The following RBFOX1 variants were observed in gnomAD, a reference collection of about 807,000 sequenced individuals.
RBFOX1 encodes the protein RNA binding protein fox-1 homolog 1.
RBFOX1 carries 8 observed loss-of-function variants against 57.7 expected under a neutral mutation model. The ratio of observed to expected loss-of-function variants is 0.14; its 90% CI spans 0.08 to 0.25. The LOEUF is 0.25. RBFOX1 is among the 10% of genes least tolerant of loss of function. The pLI, the probability that RBFOX1 is intolerant of heterozygous loss-of-function variation, is 1.00. For missense variants in RBFOX1, 611 were observed against 548.5 expected, an observed-to-expected ratio of 1.11 and a Z score of -1.14; for synonymous variants, 326 against 222.4, an observed-to-expected ratio of 1.47 and a Z score of -4.15.
intron 4 of RBFOX1, among the ~76,000 whole-genome samples, chr16:5,986,506 G>C (rs1363367271): frequency 6.6e-6 from 1 of 152,098 alleles, no homozygotes; most frequent in South Asian, 2.1e-4. Context: ...TTCCATTACT[G>C]TAAGTGTCCC....
chr16:7,206,207 C>T (rs1210036272), intron 4 of RBFOX1, among the ~76,000 whole-genome samples: 2 of 152,044 alleles, frequency 1.3e-5, no homozygotes, highest in African/African-American at 2.4e-5. Context: ...TCTAGGGAGA[C>T]CCAGTAGGTA....
chr16:6,878,923 A>AT (rs1421870726), intron 3 of RBFOX1, among the ~76,000 whole-genome samples: 3 of 152,032 alleles, frequency 2.0e-5, no homozygotes, highest in East Asian at 3.9e-4. Context: ...AAAGGGTAGG[A>AT]TTTTTTTTCC....
chr16:6,965,166 T>C (rs1372489491), intron 3 of RBFOX1, among the ~76,000 whole-genome samples: 1 of 152,138 alleles, frequency 6.6e-6, no homozygotes, highest in South Asian at 2.1e-4. Context: ...TGCTGCAGAT[T>C]GCTGTGGTGG....
chr16:7,268,329 T>C (rs1230009636), intron 4 of RBFOX1, among the ~76,000 whole-genome samples: 2 of 152,132 alleles, frequency 1.3e-5, no homozygotes, highest in African/African-American at 4.8e-5. Context: ...AAAGTGGAAG[T>C]GGAGAAACCA....
At chr16:6,905,398 C>G (rs757277394) in intron 3 of RBFOX1, among the ~76,000 whole-genome samples, 2 of 151,932 alleles carry the variant, frequency 1.3e-5, no homozygotes, top group South Asian at 2.1e-4. Flanking sequence ...ACTAAAAATA[C>G]AAAAATTAAC....
At chr16:7,536,569 G>A (rs915406673) in intron 5 of RBFOX1, among the ~76,000 whole-genome samples, 10 of 152,176 alleles carry the variant, frequency 6.6e-5, no homozygotes, top group African/African-American at 2.2e-4. Context: ...ACTCCAGCCT[G>A]GGCAACACAG....
At chr16:7,079,244 G>T (rs754468956) in intron 4 of RBFOX1, among the ~76,000 whole-genome samples, 76 of 152,090 alleles carry the variant, frequency 5.0e-4, no homozygotes, top group Non-Finnish European at 9.7e-4. Flanking sequence ...AGTTTTACTT[G>T]CTCATCATAC....
intron 4 of RBFOX1, among the ~76,000 whole-genome samples, chr16:7,282,421 G>A (rs1239386309): frequency 6.6e-6 from 1 of 152,134 alleles, no homozygotes; most frequent in Non-Finnish European, 1.5e-5. Flanking sequence ...AGAATCAAAA[G>A]ATATTTCACA....
At chr16:7,292,156 A>G (rs1312545996) in intron 4 of RBFOX1, among the ~76,000 whole-genome samples, 1 of 131,772 alleles carries the variant, frequency 7.6e-6, no homozygotes, top group African/African-American at 2.8e-5. Flanking sequence ...TATATAATAT[A>G]GAACGTATTA....
At chr16:5,840,442 G>A (rs1215173232) in intron 3 of RBFOX1, among the ~76,000 whole-genome samples, 5 of 152,136 alleles carry the variant, frequency 3.3e-5, no homozygotes, top group Non-Finnish European at 7.4e-5. Flanking sequence ...TGCTCTGCGG[G>A]GTAGAAAGTC....
chr16:7,059,795 G>T (rs1051009816), intron 4 of RBFOX1, among the ~76,000 whole-genome samples: 6 of 151,986 alleles, frequency 3.9e-5, no homozygotes, highest in African/African-American at 1.5e-4. Flanking sequence ...AGTTGTATTT[G>T]TTCCCAGGGC....
At chr16:6,800,208 T>C (rs895557792) in intron 3 of RBFOX1, among the ~76,000 whole-genome samples, 1 of 145,864 alleles carries the variant, frequency 6.9e-6, no homozygotes, top group Non-Finnish European at 1.5e-5. Context: ...CTTGCTGTTT[T>C]CCTGCCTCAT....
chr16:7,078,216 C>T (rs1445643644), intron 4 of RBFOX1, among the ~76,000 whole-genome samples: 1 of 152,170 alleles, frequency 6.6e-6, no homozygotes, highest in Non-Finnish European at 1.5e-5. Context: ...AATAGGCAAA[C>T]CAGCTGATGT....
intron 4 of RBFOX1, among the ~76,000 whole-genome samples, chr16:5,901,971 C>A (rs1418941582): frequency 6.6e-6 from 1 of 152,124 alleles, no homozygotes; most frequent in Non-Finnish European, 1.5e-5. Flanking sequence ...CTCTCATAGC[C>A]CCTAGTCCTC....
chr16:7,043,997 C>T (rs1308086361), intron 3 of RBFOX1, among the ~76,000 whole-genome samples: 2 of 152,180 alleles, frequency 1.3e-5, no homozygotes, highest in African/African-American at 2.4e-5. Flanking sequence ...CTCCTATGCA[C>T]TGCAAGCACC....
intron 1 of RBFOX1, among the ~76,000 whole-genome samples, chr16:5,365,502 C>G (rs532159274): frequency 1.6e-4 from 25 of 152,214 alleles, no homozygotes; most frequent in African/African-American, 6.0e-4. Context: ...ACCCTCATCT[C>G]TACTAAAAAT....
intron 13 of RBFOX1, among the ~76,000 whole-genome samples, chr16:7,672,903 A>C (rs2072015163): frequency 6.7e-6 from 1 of 150,118 alleles, no homozygotes. Flanking sequence ...ATATAGATAA[A>C]TTAGGGAGAT....
chr16:7,079,136 T>A (rs2058769316), intron 4 of RBFOX1, among the ~76,000 whole-genome samples: 1 of 152,140 alleles, frequency 6.6e-6, no homozygotes, highest in South Asian at 2.1e-4. Context: ...GAGCCATACA[T>A]TGTCTGTTGC....
intron 3 of RBFOX1, among the ~76,000 whole-genome samples, chr16:6,673,064 C>T (rs1383969010): frequency 1.3e-5 from 2 of 152,222 alleles, no homozygotes; most frequent in Admixed American, 1.3e-4. Flanking sequence ...CACAGTGCTT[C>T]TTACCAGAGT....
Sources: gnomAD v4.1 joint callset for allele counts (sites outside exome capture counted in the v4.1 genomes callset) on GRCh38, gnomAD v4.1.1 for gene constraint, MANE v1.5 for transcripts, NCBI Gene and HGNC (gene_info 2026-07-23, HGNC 2026-07-21) for gene names.